The following STPG4 variants were observed in gnomAD, a reference collection of about 807,000 sequenced individuals.
STPG4 encodes protein STPG4.
A neutral mutation model predicts 31.5 loss-of-function variants in STPG4; 41 were observed. The observed-to-expected ratio is 1.30, with a 90% CI of 1.01 to 1.69. The LOEUF is 1.69. Ranked by LOEUF, STPG4 falls within the 40% of genes most tolerant of loss-of-function variation. The pLI is 0.00. For missense variants in STPG4, 375 were observed against 293.4 expected (o/e 1.28, Z -2.03); for synonymous variants, 141 against 103.0 (o/e 1.37, Z -2.24).
chr2:47,139,066 C>T (rs1383514513), intron 3 of STPG4, among the ~76,000 whole-genome samples: 1 of 152,118 alleles, frequency 6.6e-6, no homozygotes, highest in Non-Finnish European at 1.5e-5. Context: ...GTGTATTCTG[C>T]TGTTTTTGGA....
intron 5 of STPG4, among the ~76,000 whole-genome samples, chr2:47,110,512 T>G (rs984779362): frequency 6.6e-6 from 1 of 152,198 alleles, no homozygotes; most frequent in African/African-American, 2.4e-5. Flanking sequence ...GAGAATTGCT[T>G]GAACCCAGAA....
rs72877049 is a variant in STPG4, at chr2:47,127,960, T to C, written c.519+1981A>G. 1.3e-3 allele frequency among the ~76,000 whole-genome samples: 196 copies of C among 152,306 alleles called. 1 individual carries two copies. The highest frequency in any genetic ancestry group is 4.7e-3 in the African/African-American group (194 of 41,570). On this transcript the variant is annotated intron_variant, in intron 5 of 6. Transcript: ENST00000445927. Reference sequence around the variant, plus strand: ...ATTGTAGTCTTTGCAGCTGGTCTTGTTTGTACCTGTCCTTCTTGGGAAGGC... The same window carrying C: ...ATTGTAGTCTTTGCAGCTGGTCTTGCTTGTACCTGTCCTTCTTGGGAAGGC...
chr2:47,100,408 A>C (rs566703281), intron 5 of STPG4, among the ~76,000 whole-genome samples: 51 of 149,352 alleles, frequency 3.4e-4, no homozygotes, highest in African/African-American at 1.2e-3. Context: ...GTATCTAGTT[A>C]ATCTAGTGGG....
intron 5 of STPG4, among the ~76,000 whole-genome samples, chr2:47,114,284 C>T (rs115832445): frequency 0.026 from 3,974 of 151,958 alleles, 179 homozygotes; most frequent in African/African-American, 0.091. Flanking sequence ...GTGGGCAGAT[C>T]GCTTGAGGCC....
At chr2:47,143,122 G>A (rs193097542) in intron 3 of STPG4, among the ~76,000 whole-genome samples, 31 of 152,076 alleles carry the variant, frequency 2.0e-4, no homozygotes, top group East Asian at 1.6e-3. Context: ...CACCGCACCC[G>A]GCCAACCTCA....
intron 5 of STPG4, chr2:47,108,391 G>A (rs989835633): frequency 2.3e-4 from 35 of 153,332 alleles, no homozygotes; most frequent in East Asian, 3.8e-4. Context: ...CACTCACCGC[G>A]AAGGTATGCA....
intron 5 of STPG4, among the ~76,000 whole-genome samples, chr2:47,121,407 A>G (rs1342744813): frequency 6.6e-6 from 1 of 152,128 alleles, no homozygotes; most frequent in Non-Finnish European, 1.5e-5. Flanking sequence ...CAGCTCCCAG[A>G]ACACTGACAG....
chr2:47,099,757 C>G (rs1000958542), intron 5 of STPG4, among the ~76,000 whole-genome samples: 24 of 152,252 alleles, frequency 1.6e-4, no homozygotes, highest in African/African-American at 5.5e-4. Context: ...GGAACCGGGG[C>G]TGCGCGTGGC....
chr2:47,099,297 A>G (rs1293214985), intron 5 of STPG4, among the ~76,000 whole-genome samples: 2 of 152,208 alleles, frequency 1.3e-5, no homozygotes, highest in Non-Finnish European at 2.9e-5. Context: ...TCTGGCCTCA[A>G]ACTTGGACAG....
intron 2 of STPG4, among the ~76,000 whole-genome samples, chr2:47,152,091 G>A (rs943150877): frequency 2.6e-5 from 4 of 152,092 alleles, no homozygotes; most frequent in Admixed American, 1.3e-4. Flanking sequence ...AGGCAACTTC[G>A]GTGATTCAAC....
At chr2:47,132,150 G>A (rs1686498835) in intron 3 of STPG4, among the ~76,000 whole-genome samples, 2 of 145,652 alleles carry the variant, frequency 1.4e-5, no homozygotes, top group Non-Finnish European at 3.0e-5. Context: ...GGGAAACAGA[G>A]CGAGACTCAC....
rs548782066 is a variant in STPG4 at position 47,089,827 on chromosome 2, G to A, written c.624+443C>T. Among the ~76,000 whole-genome samples the A allele has an allele frequency of 1.6e-4, 24 of 152,212 alleles. No individual in the cohort carries two copies. The South Asian group carries it at 2.1e-3, about 13-fold the overall frequency. On this transcript the variant is annotated intron_variant, in intron 6 of 6. Coordinates refer to ENST00000445927, the MANE Select transcript of STPG4 (RefSeq NM_001163561.2). ...CTGAGTTTTTGGGGGTGGGGTGATC[G>A]CTAATGCCTTAATGGTCCCATTTGG...
At chr2:47,124,438 G>C (rs1686327805) in intron 5 of STPG4, among the ~76,000 whole-genome samples, 1 of 150,902 alleles carries the variant, frequency 6.6e-6, no homozygotes, top group South Asian at 2.1e-4. Context: ...TTAGTCTCTG[G>C]TATCCATCCT....
intron 5 of STPG4, among the ~76,000 whole-genome samples, chr2:47,117,756 T>C (rs1686180305): frequency 6.6e-6 from 1 of 152,164 alleles, no homozygotes; most frequent in Admixed American, 6.5e-5. Flanking sequence ...CTACTTGGCA[T>C]AGGGTGTCAC....
intron 5 of STPG4, among the ~76,000 whole-genome samples, chr2:47,103,560 A>C (rs1175442113): frequency 6.6e-6 from 1 of 151,946 alleles, no homozygotes; most frequent in African/African-American, 2.4e-5. Flanking sequence ...GGTGGTTCAG[A>C]GAGGACAGAA....
chr2:47,129,794 G>C (rs113765523), intron 5 of STPG4, 147 bp downstream of exon 5: 36 of 979,442 alleles, frequency 3.7e-5, no homozygotes, highest in African/African-American at 3.4e-4. Context: ...GTGTTTTCTT[G>C]TGTGGATAAT....
At chr2:47,097,370 G>A (rs1344138478) in intron 5 of STPG4, among the ~76,000 whole-genome samples, 2 of 152,112 alleles carry the variant, frequency 1.3e-5, no homozygotes, top group Non-Finnish European at 2.9e-5. Context: ...CTCTGCTATG[G>A]TCTGGATGCT....
chr2:47,089,788 C>G (rs951873557), intron 6 of STPG4, among the ~76,000 whole-genome samples: 1 of 152,176 alleles, frequency 6.6e-6, no homozygotes, highest in Non-Finnish European at 1.5e-5. Flanking sequence ...ACTTGAGCCT[C>G]TTCCCTGTCT....
At chr2:47,090,045 G>A (rs939512837) in intron 6 of STPG4, among the ~76,000 whole-genome samples, 1 of 152,170 alleles carries the variant, frequency 6.6e-6, no homozygotes, top group African/African-American at 2.4e-5. Flanking sequence ...CAGATTTTGG[G>A]CCTGGAGTCA....
Sources: allele counts gnomAD v4.1 joint callset (sites outside exome capture counted in the v4.1 genomes callset), GRCh38; gene constraint gnomAD v4.1.1; transcripts MANE v1.5; gene names NCBI Gene and HGNC (gene_info 2026-07-23, HGNC 2026-07-21).